The following NREP variants were observed in gnomAD, a reference collection of about 807,000 sequenced individuals.
The protein encoded by NREP is neuronal regeneration-related protein.
In NREP, 5 loss-of-function variants were observed where a neutral mutation model predicts 8.6. That is an observed-to-expected ratio of 0.58 (90% CI 0.30 to 1.22). The LOEUF (loss-of-function observed/expected upper bound fraction) is 1.22. Ranked by LOEUF, NREP falls within the 50% of genes most tolerant of loss-of-function variation. The pLI is 0.07. For synonymous variants in NREP, 27 were observed against 28.0 expected (o/e 0.96, Z 0.11); for missense variants, 86 against 82.5 (o/e 1.04, Z -0.17).
chr5:111,852,859 C>A (rs1304496862), intron 2 of NREP, among the ~76,000 whole-genome samples: 1 of 152,140 alleles, frequency 6.6e-6, no homozygotes, highest in Non-Finnish European at 1.5e-5. Context: ...CCACTTTAGT[C>A]CTGTGTGACC....
At chr5:111,896,008 A>T (rs745980793) in intron 2 of NREP, among the ~76,000 whole-genome samples, 1 of 152,212 alleles carries the variant, frequency 6.6e-6, no homozygotes, top group Non-Finnish European at 1.5e-5. Context: ...AAGAGTTTGG[A>T]TTTTATAATA....
At chr5:111,772,698 T>C (rs1751259692) in intron 2 of NREP, among the ~76,000 whole-genome samples, 1 of 151,774 alleles carries the variant, frequency 6.6e-6, no homozygotes, top group East Asian at 1.9e-4. Context: ...ATCACAGCCT[T>C]CGACCCGGGA....
intron 2 of NREP, among the ~76,000 whole-genome samples, chr5:111,916,001 T>A (rs1182105222): frequency 6.6e-6 from 1 of 152,044 alleles, no homozygotes; most frequent in Non-Finnish European, 1.5e-5. Flanking sequence ...GGGCATCTGC[T>A]CTATGCAGAA....
chr5:111,882,094 C>T lies in NREP; in HGVS notation c.135+93180G>A, dbSNP rs542664306. On this transcript the variant is annotated intron_variant, in intron 2 of 3. Coordinates refer to the NREP transcript ENST00000395634. Reference sequence around the variant, plus strand: ...TTCAAAACTTTGAAAAAAATGTAGACGAATGTATAATTAGAATAACCAATA... The same window carrying T: ...TTCAAAACTTTGAAAAAAATGTAGATGAATGTATAATTAGAATAACCAATA... Among the ~76,000 whole-genome samples, 78 of 152,094 alleles carry T rather than the reference C, an allele frequency of 5.1e-4. 1 individual carries two copies. Among genetic ancestry groups the T allele is most frequent in the African/African-American group, 1.6e-3 (68 of 41,470 alleles).
intron 2 of NREP, among the ~76,000 whole-genome samples, chr5:111,967,007 CA>C (rs1414387623): frequency 6.6e-6 from 1 of 152,192 alleles, no homozygotes. Context: ...GACATCTGGC[CA>C]TGTCTAAAGA....
intron 2 of NREP, chr5:111,974,578 A>G (rs1403632190): frequency 6.6e-6 from 1 of 152,192 alleles, no homozygotes; most frequent in East Asian, 1.9e-4. Flanking sequence ...CTTGTATGAC[A>G]TTAATTAAGT....
chr5:111,954,917 A>G (rs1321897875), intron 2 of NREP, among the ~76,000 whole-genome samples: 2 of 152,192 alleles, frequency 1.3e-5, no homozygotes, highest in Admixed American at 1.3e-4. Context: ...CACATGACTC[A>G]TTGCTGGCTG....
intron 2 of NREP, among the ~76,000 whole-genome samples, chr5:111,840,069 TATA>T: frequency 6.6e-6 from 1 of 152,234 alleles, no homozygotes; most frequent in East Asian, 1.9e-4. Flanking sequence ...GTGATTTAAG[TATA>T]ATGACATAAG....
At chr5:111,742,143 G>A (rs1466916157) in intron 2 of NREP, among the ~76,000 whole-genome samples, 4 of 152,140 alleles carry the variant, frequency 2.6e-5, no homozygotes, top group South Asian at 4.1e-4. Flanking sequence ...CCCACTACGG[G>A]CACAGAAAGC....
intron 3 of NREP, chr5:111,735,036 G>C: frequency 5.8e-6 from 2 of 344,670 alleles, no homozygotes; most frequent in South Asian, 7.4e-5. Flanking sequence ...CCTCCCTTTT[G>C]CTTCATGGAT....
At chr5:111,881,161 A>C (rs574244827) in intron 2 of NREP, among the ~76,000 whole-genome samples, 1 of 152,334 alleles carries the variant, frequency 6.6e-6, no homozygotes, top group East Asian at 1.9e-4. Context: ...AAAACGGCGC[A>C]CCAGGAGATT....
intron 2 of NREP, among the ~76,000 whole-genome samples, chr5:111,896,960 A>C (rs1278971690): frequency 1.3e-5 from 2 of 152,210 alleles, no homozygotes. Flanking sequence ...CAACATTCAA[A>C]ACAGTTTATC....
At chr5:111,937,510 C>G (rs1263902987) in intron 2 of NREP, among the ~76,000 whole-genome samples, 1 of 152,074 alleles carries the variant, frequency 6.6e-6, no homozygotes, top group Non-Finnish European at 1.5e-5. Context: ...CCTGAACTTG[C>G]AGCTATCTAA....
At chr5:111,728,925 A>T (rs2112765693), downstream of NREP, 1 of 131,768 alleles carries the variant, frequency 7.6e-6, no homozygotes. Context: ...AAAAAGAAAG[A>T]ATACCACAGA....
intron 2 of NREP, among the ~76,000 whole-genome samples, chr5:111,751,291 T>A (rs990600682): frequency 6.6e-6 from 1 of 152,098 alleles, no homozygotes; most frequent in Non-Finnish European, 1.5e-5. Flanking sequence ...ATAACTGAAG[T>A]GATATTTAGA....
intron 2 of NREP, among the ~76,000 whole-genome samples, chr5:111,784,775 G>C (rs1256357395): frequency 6.6e-6 from 1 of 152,174 alleles, no homozygotes; most frequent in Non-Finnish European, 1.5e-5. Context: ...CAGTTTGAGA[G>C]ATTTTAGGAA....
Position 111,907,828 on chromosome 5 carries a change from G to A in NREP, c.135+67446C>T, listed in dbSNP as rs116336326. On this transcript the variant is annotated intron_variant, in intron 2 of 3. Coordinates refer to the NREP transcript ENST00000395634. ...AAGTCTGTCCCATGGTGGATGAAGT[G>A]TTCCTCTCAAGGGCTTCCATGGAAT... Among the ~76,000 whole-genome samples, 1,199 of 152,038 alleles carry A rather than the reference G, an allele frequency of 7.9e-3. 13 individuals are homozygous for A. Among genetic ancestry groups the A allele is most frequent in the African/African-American group, 0.027 (1,122 of 41,506 alleles).
At chr5:111,897,753 C>G (rs1754545269) in intron 2 of NREP, among the ~76,000 whole-genome samples, 1 of 151,960 alleles carries the variant, frequency 6.6e-6, no homozygotes. Flanking sequence ...CTTTTTCAAA[C>G]CCAAATTTTT....
chr5:111,793,050 A>C (rs1162066262), intron 2 of NREP, among the ~76,000 whole-genome samples: 2 of 152,322 alleles, frequency 1.3e-5, no homozygotes, highest in Non-Finnish European at 2.9e-5. Flanking sequence ...AATTATAACC[A>C]GGCATGACAA....
Sources: gnomAD v4.1 joint callset for allele counts (sites outside exome capture counted in the v4.1 genomes callset) on GRCh38, gnomAD v4.1.1 for gene constraint, MANE v1.5 for transcripts, NCBI Gene and HGNC (gene_info 2026-07-23, HGNC 2026-07-21) for gene names.